SLIT2: variants seen among roughly 807,000 people sequenced by gnomAD.
The protein encoded by SLIT2 is slit homolog 2 protein.
Under a neutral mutation model 185.7 loss-of-function variants are expected in SLIT2, and 41 were observed. That is an observed-to-expected ratio of 0.22 (90% CI 0.17 to 0.29). SLIT2 has a LOEUF of 0.29. Among genes scored for constraint, SLIT2 ranks in the 10% least tolerant of loss-of-function variants. SLIT2 has a pLI of 1.00. For synonymous variants in SLIT2, 693 were observed against 680.2 expected (o/e 1.02, Z -0.29); for missense variants, 1,571 against 1,909.0 (o/e 0.82, Z 3.30).
intron 4 of SLIT2, among the ~76,000 whole-genome samples, chr4:20,329,237 G>A (rs1047921332): frequency 6.6e-6 from 1 of 151,884 alleles, no homozygotes; most frequent in Non-Finnish European, 1.5e-5. Context: ...AAATGACATG[G>A]ACTATTTCTC....
At chr4:20,489,736 A>C (rs1467564241) in intron 8 of SLIT2, among the ~76,000 whole-genome samples, 1 of 151,990 alleles carries the variant, frequency 6.6e-6, no homozygotes. Flanking sequence ...GTGAGCTGAG[A>C]TCACACCAGT....
chr4:20,268,888 A>C lies in SLIT2; in HGVS notation c.395+7A>C. On this transcript the variant is annotated splice_region_variant and intron_variant, in intron 4 of 36. Coordinates refer to ENST00000504154, the MANE Select transcript of SLIT2 (RefSeq NM_004787.4). ...CTGCGAAGCTATACAGGCTGTAAGTAGACACAAATAGTTATTGTTGCTTTG... is the reference window on the plus strand; with the variant it reads ...CTGCGAAGCTATACAGGCTGTAAGTCGACACAAATAGTTATTGTTGCTTTG... 6.5e-7 allele frequency: 1 copy of C among 1,536,648 alleles called. No homozygotes were observed. The highest frequency in any genetic ancestry group is 9.0e-7 in the Non-Finnish European group (1 of 1,109,844).
At chr4:20,583,431 CAA>C (rs1485715280) in intron 29 of SLIT2, among the ~76,000 whole-genome samples, 1 of 151,966 alleles carries the variant, frequency 6.6e-6, no homozygotes, top group African/African-American at 2.4e-5. Context: ...AATTTAAACA[CAA>C]AGATAACAAG....
intron 4 of SLIT2, among the ~76,000 whole-genome samples, chr4:20,350,755 G>T (rs774636637): frequency 6.6e-6 from 1 of 152,068 alleles, no homozygotes; most frequent in Non-Finnish European, 1.5e-5. Context: ...GCTTTGGAAG[G>T]CCAAAACAGG....
At chr4:20,448,243 G>A (rs1394986107) in intron 4 of SLIT2, among the ~76,000 whole-genome samples, 26 of 152,114 alleles carry the variant, frequency 1.7e-4, no homozygotes, top group Admixed American at 1.7e-3. Context: ...TTAAAAGCCT[G>A]CACTTTTATA....
chr4:20,372,287 A>G (rs1419523849), intron 4 of SLIT2, among the ~76,000 whole-genome samples: 1 of 152,056 alleles, frequency 6.6e-6, no homozygotes, highest in African/African-American at 2.4e-5. Context: ...AAAGGGCAGA[A>G]CATGGCTTCA....
intron 4 of SLIT2, among the ~76,000 whole-genome samples, chr4:20,272,614 G>A (rs1359447244): frequency 6.6e-6 from 1 of 152,040 alleles, no homozygotes; most frequent in Non-Finnish European, 1.5e-5. Context: ...ACTGCGGTTA[G>A]GCATTTGGTT....
At chr4:20,525,362 C>CAT (rs71181569) in intron 15 of SLIT2, among the ~76,000 whole-genome samples, 190 bp downstream of exon 15, 151,568 of 152,146 alleles carry the variant, frequency 1, 75,495 homozygotes, top group East Asian at 1. Context: ...TGATGTTAAA[C>CAT]ATATATTATT....
At chr4:20,573,142 C>G in intron 29 of SLIT2, 1 of 697,470 alleles carries the variant, frequency 1.4e-6, no homozygotes, top group South Asian at 1.5e-5. Context: ...CCCTGCTTCT[C>G]TGTTGTGAAC....
intron 12 of SLIT2, 64 bp downstream of exon 12, chr4:20,519,517 CAT>C (rs1720628099): frequency 2.0e-6 from 2 of 1,004,524 alleles, no homozygotes; most frequent in African/African-American, 3.3e-5. Flanking sequence ...TTTGTTGTCT[CAT>C]ATTTTTATGG....
At chr4:20,568,245 C>T (rs1056027477) in intron 28 of SLIT2, among the ~76,000 whole-genome samples, 23 of 152,048 alleles carry the variant, frequency 1.5e-4, no homozygotes, top group African/African-American at 5.3e-4. Context: ...AAATAGACTT[C>T]ACTGCTGCAT....
chr4:20,262,848 G>T (rs1188568124), intron 3 of SLIT2, among the ~76,000 whole-genome samples: 4 of 151,900 alleles, frequency 2.6e-5, no homozygotes. Context: ...GAATCCATCT[G>T]AGAGAATTTC....
intron 9 of SLIT2, among the ~76,000 whole-genome samples, chr4:20,499,649 C>A (rs1002569731): frequency 6.6e-6 from 1 of 152,208 alleles, no homozygotes; most frequent in Admixed American, 6.5e-5. Flanking sequence ...CCAGCATACC[C>A]AGCTAGTTCT....
At chr4:20,437,936 A>AG (rs1177129633) in intron 4 of SLIT2, among the ~76,000 whole-genome samples, 1 of 150,676 alleles carries the variant, frequency 6.6e-6, no homozygotes, top group African/African-American at 2.4e-5. Context: ...AAAAAAAAAA[A>AG]GTAAAAACTA....
intron 10 of SLIT2, 146 bp downstream of exon 10, chr4:20,510,712 A>G: frequency 1.8e-6 from 1 of 571,036 alleles, no homozygotes; most frequent in Non-Finnish European, 3.1e-6. Flanking sequence ...GCTCTGTAAT[A>G]ATATTTTAAT....
chr4:20,521,417 G>T (rs1031303898), intron 12 of SLIT2, among the ~76,000 whole-genome samples: 1 of 152,156 alleles, frequency 6.6e-6, no homozygotes, highest in Non-Finnish European at 1.5e-5. Context: ...AAAACAGATT[G>T]TTGTTTAATA....
At chr4:20,341,448 G>T (rs566759549) in intron 4 of SLIT2, among the ~76,000 whole-genome samples, 1 of 152,170 alleles carries the variant, frequency 6.6e-6, no homozygotes, top group South Asian at 2.1e-4. Context: ...ATCTTCAAGG[G>T]CATTTTAAAT....
intron 29 of SLIT2, among the ~76,000 whole-genome samples, chr4:20,584,798 T>C (rs1726910231): frequency 6.6e-6 from 1 of 152,176 alleles, no homozygotes; most frequent in South Asian, 2.1e-4. Flanking sequence ...TCTATACCTG[T>C]AATCCCAGCA....
At chr4:20,278,755 GTA>G (rs1389856349) in intron 4 of SLIT2, among the ~76,000 whole-genome samples, 5 of 129,734 alleles carry the variant, frequency 3.9e-5, no homozygotes, top group African/African-American at 1.4e-4. Context: ...ATTCTAAATG[GTA>G]TAGTTTGTCA....
Sources: gnomAD v4.1 joint callset for allele counts (sites outside exome capture counted in the v4.1 genomes callset) on GRCh38, gnomAD v4.1.1 for gene constraint, MANE v1.5 for transcripts, NCBI Gene and HGNC (gene_info 2026-07-23, HGNC 2026-07-21) for gene names.